The following FAM135B variants were observed in gnomAD, a reference collection of about 807,000 sequenced individuals.
The protein encoded by FAM135B is family with sequence similarity 135 member B, also known as protein FAM135B.
A neutral mutation model predicts 127.7 loss-of-function variants in FAM135B; 43 were observed. The ratio of observed to expected loss-of-function variants is 0.34; its 90% CI spans 0.26 to 0.43. The LOEUF (loss-of-function observed/expected upper bound fraction) is 0.43. FAM135B is among the 20% of genes least tolerant of loss of function. The pLI, the probability that FAM135B is intolerant of heterozygous loss-of-function variation, is 1.00. For missense variants in FAM135B, 1,558 were observed against 1,725.6 expected (o/e 0.90, Z 1.72); for synonymous variants, 670 against 665.1 (o/e 1.01, Z -0.11).
At chr8:138,336,180 C>T (rs1435229298) in intron 2 of FAM135B, among the ~76,000 whole-genome samples, 1 of 152,090 alleles carries the variant, frequency 6.6e-6, no homozygotes, top group Admixed American at 6.5e-5. Flanking sequence ...GACACCCTAA[C>T]ATCACAATTA....
At chr8:138,232,249 G>A (rs866629430) in intron 7 of FAM135B, among the ~76,000 whole-genome samples, 7 of 88,824 alleles carry the variant, frequency 7.9e-5, no homozygotes, top group Non-Finnish European at 1.2e-4. Flanking sequence ...GGACATAGTG[G>A]GGGGGAGCCC....
intron 12 of FAM135B, 102 bp downstream of exon 12, chr8:138,167,793 A>G: frequency 7.6e-7 from 1 of 1,322,270 alleles, no homozygotes; most frequent in Non-Finnish European, 1.0e-6. Flanking sequence ...ATCCTTCATT[A>G]ATTTGGTCTC....
chr8:138,278,765 C>T (rs572777385), intron 3 of FAM135B, among the ~76,000 whole-genome samples: 5 of 151,622 alleles, frequency 3.3e-5, no homozygotes, highest in Admixed American at 6.6e-5. Flanking sequence ...GGTTTCGCCA[C>T]GTTGGCCAGT....
chr8:138,153,469 G>A (rs1003939719), intron 12 of FAM135B, among the ~76,000 whole-genome samples: 2 of 152,150 alleles, frequency 1.3e-5, no homozygotes, highest in Non-Finnish European at 2.9e-5. Flanking sequence ...CACGGAGTGT[G>A]AGACAAAGCA....
intron 12 of FAM135B, among the ~76,000 whole-genome samples, chr8:138,167,220 G>A (rs7011435): frequency 0.014 from 2,114 of 152,184 alleles, 38 homozygotes; most frequent in Middle Eastern, 0.051. Context: ...TGAGGGGATG[G>A]AGTCTTGCTT....
intron 1 of FAM135B, among the ~76,000 whole-genome samples, chr8:138,433,581 A>C (rs1402248269): frequency 6.6e-6 from 1 of 151,864 alleles, no homozygotes; most frequent in African/African-American, 2.4e-5. Context: ...TAATTTTAAA[A>C]GAGTATTAAA....
intron 1 of FAM135B, among the ~76,000 whole-genome samples, chr8:138,375,068 G>C (rs1272711233): frequency 6.6e-6 from 1 of 152,116 alleles, no homozygotes; most frequent in Admixed American, 6.5e-5. Context: ...TCCAAGACAG[G>C]ATCTAGGAAC....
intron 2 of FAM135B, among the ~76,000 whole-genome samples, chr8:138,364,314 C>G (rs1196830466): frequency 6.6e-6 from 1 of 152,138 alleles, no homozygotes; most frequent in African/African-American, 2.4e-5. Context: ...TCCACAGCTG[C>G]CCAAAGGCAG....
intron 6 of FAM135B, 55 bp downstream of exon 6, chr8:138,250,786 A>G (rs1166427107): frequency 6.3e-7 from 1 of 1,591,820 alleles, no homozygotes; most frequent in African/African-American, 1.3e-5. Context: ...CCCCTCTACC[A>G]CACCTGCAAT....
chr8:138,420,859 G>A (rs774103990), intron 1 of FAM135B, among the ~76,000 whole-genome samples: 1 of 152,196 alleles, frequency 6.6e-6, no homozygotes, highest in Non-Finnish European at 1.5e-5. Context: ...AACAAGAGAT[G>A]TCTAAGGCAA....
chr8:138,322,591 T>A (rs967832915), intron 2 of FAM135B, among the ~76,000 whole-genome samples: 1 of 152,194 alleles, frequency 6.6e-6, no homozygotes, highest in African/African-American at 2.4e-5. Flanking sequence ...TAATGCCCCA[T>A]AATCTAATGA....
At chr8:138,169,490 C>A (rs1820237643) in intron 11 of FAM135B, among the ~76,000 whole-genome samples, 1 of 151,992 alleles carries the variant, frequency 6.6e-6, no homozygotes, top group African/African-American at 2.4e-5. Context: ...TTATTTAACT[C>A]TTTAAATGTT....
intron 7 of FAM135B, among the ~76,000 whole-genome samples, chr8:138,217,233 T>C (rs1818615282): frequency 6.6e-6 from 1 of 152,160 alleles, no homozygotes; most frequent in South Asian, 2.1e-4. Flanking sequence ...TGAAATAATG[T>C]GCTTCATGGC....
chr8:138,475,852 A>G (rs1379187352), intron 1 of FAM135B, among the ~76,000 whole-genome samples: 1 of 152,222 alleles, frequency 6.6e-6, no homozygotes, highest in Non-Finnish European at 1.5e-5. Flanking sequence ...TCCAGCAATC[A>G]TGCCCTTTGC....
intron 2 of FAM135B, among the ~76,000 whole-genome samples, chr8:138,335,541 C>A (rs1332733272): frequency 6.6e-6 from 1 of 152,114 alleles, no homozygotes; most frequent in East Asian, 1.9e-4. Context: ...GGGATCAATT[C>A]AACAAGAAGA....
At chr8:138,355,939 G>C (rs1395894934) in intron 2 of FAM135B, among the ~76,000 whole-genome samples, 1 of 152,148 alleles carries the variant, frequency 6.6e-6, no homozygotes, top group African/African-American at 2.4e-5. Context: ...TTTGGAATGT[G>C]ATTAAGTAAT....
chr8:138,381,626 C>A (rs1378199483), intron 1 of FAM135B, among the ~76,000 whole-genome samples: 1 of 152,176 alleles, frequency 6.6e-6, no homozygotes, highest in Non-Finnish European at 1.5e-5. Flanking sequence ...AAAGACTAAA[C>A]AAATGCAAGA....
At chr8:138,201,920 G>A (rs1817154561) in intron 7 of FAM135B, among the ~76,000 whole-genome samples, 1 of 152,026 alleles carries the variant, frequency 6.6e-6, no homozygotes, top group African/African-American at 2.4e-5. Flanking sequence ...GAGGTCGGGA[G>A]TTCGAGACCA....
At chr8:138,343,326 A>G (rs1027383585) in intron 2 of FAM135B, among the ~76,000 whole-genome samples, 5 of 152,210 alleles carry the variant, frequency 3.3e-5, no homozygotes, top group Non-Finnish European at 7.3e-5. Flanking sequence ...GCTATACACT[A>G]TAGCTGTCAA....
Sources: gnomAD v4.1 joint callset for allele counts (sites outside exome capture counted in the v4.1 genomes callset) on GRCh38, gnomAD v4.1.1 for gene constraint, MANE v1.5 for transcripts, NCBI Gene and HGNC (gene_info 2026-07-23, HGNC 2026-07-21) for gene names.